Variants in KIAA1671 observed in about 807,000 individuals in gnomAD.
The protein encoded by KIAA1671 is uncharacterized protein KIAA1671.
A neutral mutation model predicts 131.2 loss-of-function variants in KIAA1671; 52 were observed. The observed-to-expected ratio is 0.40, with a 90% CI of 0.32 to 0.50. KIAA1671 has a LOEUF of 0.50. KIAA1671 is among the 20% of genes least tolerant of loss of function. The pLI, the probability that KIAA1671 is intolerant of heterozygous loss-of-function variation, is 0.73. For synonymous variants in KIAA1671, 1,003 were observed against 961.6 expected (o/e 1.04, Z -0.80); for missense variants, 2,360 against 2,364.2 (o/e 1.00, Z 0.04).
At chr22:25,157,654 C>T (rs957180011) in intron 6 of KIAA1671, among the ~76,000 whole-genome samples, 12 of 152,092 alleles carry the variant, frequency 7.9e-5, no homozygotes, top group African/African-American at 2.9e-4. Context: ...AAGAGTGCCA[C>T]AGTACTTCTA....
chr22:24,963,329 A>C (rs568576535), intron 1 of KIAA1671, among the ~76,000 whole-genome samples: 1 of 140,126 alleles, frequency 7.1e-6, no homozygotes, highest in South Asian at 2.3e-4. Context: ...ACGCCACTGC[A>C]CTCCAGCCTG....
At chr22:24,970,361 CA>C (rs1569194885) in intron 1 of KIAA1671, among the ~76,000 whole-genome samples, 1 of 152,142 alleles carries the variant, frequency 6.6e-6, no homozygotes, top group Non-Finnish European at 1.5e-5. Context: ...AGCCATAGGG[CA>C]GGGCAGGTCA....
chr22:25,171,073 A>C, intron 7 of KIAA1671, 135 bp downstream of exon 7: 1 of 722,016 alleles, frequency 1.4e-6, no homozygotes, highest in East Asian at 2.7e-5. Context: ...TTCTTCTTTT[A>C]AAAAGGAAAT....
intron 6 of KIAA1671, among the ~76,000 whole-genome samples, chr22:25,108,273 C>T (rs562362378): frequency 2.6e-4 from 40 of 152,298 alleles, no homozygotes; most frequent in African/African-American, 9.6e-4. Context: ...CAGTGGATTT[C>T]CCACCCCGAT....
chr22:24,997,128 G>T (rs1235107501), intron 1 of KIAA1671, among the ~76,000 whole-genome samples: 1 of 152,166 alleles, frequency 6.6e-6, no homozygotes, highest in Non-Finnish European at 1.5e-5. Context: ...GCCAGGCAAG[G>T]ATCTCTACGA....
At chr22:25,096,580 A>G (rs922533745) in intron 6 of KIAA1671, among the ~76,000 whole-genome samples, 2 of 152,310 alleles carry the variant, frequency 1.3e-5, no homozygotes, top group Non-Finnish European at 2.9e-5. Context: ...AGTTCTGCCT[A>G]TTACAAGAGC....
intron 6 of KIAA1671, among the ~76,000 whole-genome samples, chr22:25,155,089 A>C (rs1189028931): frequency 1.3e-5 from 2 of 152,160 alleles, no homozygotes; most frequent in Non-Finnish European, 2.9e-5. Flanking sequence ...AACTTTGATT[A>C]ATCAGCGGAC....
rs1934421536 is a variant in KIAA1671 at position 25,184,981 on chromosome 22, A to G, written c.5204A>G (p.Gln1735Arg). 6.4e-7 allele frequency: 1 copy of G among 1,551,416 alleles called. No individual in the cohort carries two copies. The highest frequency in any genetic ancestry group is 8.7e-7 in the Non-Finnish European group (1 of 1,147,042). Residue 1735 changes from glutamine (Q) to arginine (R), a missense_variant, in exon 11 of 13, where the codon CAG becomes CGG. Gln to Arg is a conservative substitution (Grantham distance 43). Coordinates refer to ENST00000358431, the MANE Select transcript of KIAA1671 (RefSeq NM_001145206.2). The part of the protein sequence containing the change: ...PGMDPAVLKA[Q>R]LHKRPEVDSP... ...TCAGCTCTCTTTTCTCCCCAGGCTCAGCTGCACAAGAGGCCAGAGGTGGAC... is the reference window on the plus strand; with the variant it reads ...TCAGCTCTCTTTTCTCCCCAGGCTCGGCTGCACAAGAGGCCAGAGGTGGAC...
At chr22:24,958,110 C>G (rs1010871860) in intron 1 of KIAA1671, among the ~76,000 whole-genome samples, 4 of 151,850 alleles carry the variant, frequency 2.6e-5, no homozygotes, top group African/African-American at 9.7e-5. Context: ...AGTGGAAGAG[C>G]TGGGATTTGA....
chr22:25,140,430 C>T (rs909034265), intron 6 of KIAA1671, among the ~76,000 whole-genome samples: 1 of 151,710 alleles, frequency 6.6e-6, no homozygotes, highest in Non-Finnish European at 1.5e-5. Context: ...GGCCGGACTG[C>T]GGTGGCACTA....
chr22:25,191,340 G>A (rs1023267590), intron 12 of KIAA1671, among the ~76,000 whole-genome samples: 7 of 151,862 alleles, frequency 4.6e-5, no homozygotes, highest in Non-Finnish European at 1.0e-4. Context: ...ATTTTTTGTA[G>A]AGATGGAGTT....
intron 1 of KIAA1671, among the ~76,000 whole-genome samples, chr22:24,964,109 A>T (rs1922165551): frequency 6.6e-6 from 1 of 152,144 alleles, no homozygotes; most frequent in Non-Finnish European, 1.5e-5. Flanking sequence ...CAGGCGGATC[A>T]CTTGAGGTCA....
intron 6 of KIAA1671, among the ~76,000 whole-genome samples, chr22:25,109,596 T>G (rs1053735530): frequency 5.9e-5 from 9 of 152,330 alleles, no homozygotes; most frequent in Non-Finnish European, 1.2e-4. Flanking sequence ...GTACATGATT[T>G]CACCTCTGTG....
At chr22:25,171,171 G>A (rs558320957) in intron 7 of KIAA1671, among the ~76,000 whole-genome samples, 9 of 152,150 alleles carry the variant, frequency 5.9e-5, no homozygotes, top group South Asian at 2.1e-4. Flanking sequence ...AGGCTGAGGC[G>A]GGCGGATTGC....
At chr22:25,074,209 T>C (rs575851845) in intron 6 of KIAA1671, among the ~76,000 whole-genome samples, 7 of 151,332 alleles carry the variant, frequency 4.6e-5, no homozygotes, top group African/African-American at 1.7e-4. Context: ...TATTATTGAA[T>C]ATATATACAT....
chr22:24,974,723 T>G lies in KIAA1671; in HGVS notation c.-208+21951T>G, dbSNP rs182500911. On this transcript the variant is annotated intron_variant, in intron 1 of 12. Transcript: ENST00000358431. ...TTTTTTTTTTTTGAGACGGGTGTCTTGCTCTGTTGCCCAGGCTGGAGTGTA... is the reference window on the plus strand; with the variant it reads ...TTTTTTTTTTTTGAGACGGGTGTCTGGCTCTGTTGCCCAGGCTGGAGTGTA... 6.7e-4 allele frequency among the ~76,000 whole-genome samples: 97 copies of G among 145,250 alleles called. No individual in the cohort carries two copies. The East Asian group carries it at 0.014, about 22-fold the overall frequency.
intron 6 of KIAA1671, among the ~76,000 whole-genome samples, chr22:25,105,246 T>G (rs1930937938): frequency 6.6e-6 from 1 of 152,146 alleles, no homozygotes; most frequent in African/African-American, 2.4e-5. Flanking sequence ...GGTCTCAAAC[T>G]CCTGACCTCA....
At position 25,075,565 on chromosome 22, in the gene KIAA1671, C is replaced by T. The variant is rs1601287861; in HGVS notation, c.4530+26201C>T. 3.3e-5 allele frequency among the ~76,000 whole-genome samples: 5 copies of T among 151,644 alleles called. No homozygotes were observed. In the South Asian group the frequency reaches 8.3e-4, roughly 25 times the overall value. On this transcript the variant is annotated intron_variant, in intron 6 of 12. Coordinates refer to ENST00000358431, the MANE Select transcript of KIAA1671 (RefSeq NM_001145206.2). ...GGAGTGCAGTGGCGTGATCTCGGCTCACTGCAACCTCTGCCTCCTGGGTTC... is the reference window on the plus strand; with the variant it reads ...GGAGTGCAGTGGCGTGATCTCGGCTTACTGCAACCTCTGCCTCCTGGGTTC...
chr22:25,113,094 G>T (rs1408125680), intron 6 of KIAA1671, among the ~76,000 whole-genome samples: 3 of 152,164 alleles, frequency 2.0e-5, no homozygotes, highest in African/African-American at 7.2e-5. Flanking sequence ...TAAAACCTTG[G>T]CCTGTGTCCT....
Sources: gnomAD v4.1 joint callset for allele counts (sites outside exome capture counted in the v4.1 genomes callset) on GRCh38, gnomAD v4.1.1 for gene constraint, MANE v1.5 for transcripts, NCBI Gene and HGNC (gene_info 2026-07-23, HGNC 2026-07-21) for gene names.